Variants in FAH observed in about 807,000 individuals in gnomAD.
FAH encodes the protein fumarylacetoacetase.
In FAH, 47 loss-of-function variants were observed where a neutral mutation model predicts 55.8. The observed-to-expected ratio is 0.84, with a 90% CI of 0.67 to 1.07. The LOEUF (loss-of-function observed/expected upper bound fraction) is 1.07. FAH is among the 50% of genes least tolerant of loss of function. The probability of loss-of-function intolerance (pLI) is 0.00; values close to 1 mark genes in which losing one functional copy is unlikely to be tolerated. For missense variants in FAH, 495 were observed against 545.9 expected (o/e 0.91, Z 0.93); for synonymous variants, 199 against 207.7 (o/e 0.96, Z 0.36).
intron 13 of FAH, among the ~76,000 whole-genome samples, chr15:80,181,445 G>T (rs2041330582): frequency 6.6e-6 from 1 of 152,142 alleles, no homozygotes; most frequent in Non-Finnish European, 1.5e-5. Context: ...TCTAGACTTT[G>T]CAGCAAACGC....
At position 80,156,437 on chromosome 15, in the gene FAH, G is replaced by A. The variant is rs2041101604; in HGVS notation, c.82-1623G>A. The A allele has an allele frequency of 2.0e-5, 3 of 152,304 alleles. No homozygotes were observed. In the South Asian group the frequency reaches 6.2e-4, roughly 32 times the overall value. The allele number at this position is 152,304 out of a possible 1,614,324, so 9.4% of individuals were successfully genotyped here. On this transcript the variant is annotated intron_variant, in intron 1 of 13. Transcript: ENST00000561421. ...CTACAGTTTATGCCTTCAGTCTCTT[G>A]CCTCGGCACCTGGGTAATCCTTCGC...
At chr15:80,178,335 C>T (rs1468468949) in intron 11 of FAH, among the ~76,000 whole-genome samples, 1 of 152,214 alleles carries the variant, frequency 6.6e-6, no homozygotes, top group Non-Finnish European at 1.5e-5. Context: ...CCGTGGGGCC[C>T]TCCAGGTCAC....
chr15:80,173,334 C>T (rs1248266309), intron 9 of FAH, 190 bp downstream of exon 9: 11 of 730,668 alleles, frequency 1.5e-5, no homozygotes, highest in Admixed American at 4.2e-5. Flanking sequence ...ATCATTCTCC[C>T]TTGTGGTTTC....
At chr15:80,174,318 C>A (rs1242157761) in intron 9 of FAH, among the ~76,000 whole-genome samples, 1 of 152,168 alleles carries the variant, frequency 6.6e-6, no homozygotes, top group African/African-American at 2.4e-5. Context: ...TTCCCCAACA[C>A]CATTTAGGTA....
intron 7 of FAH, among the ~76,000 whole-genome samples, chr15:80,170,389 G>A (rs747037956): frequency 2.6e-5 from 4 of 152,192 alleles, no homozygotes; most frequent in Admixed American, 6.5e-5. Flanking sequence ...TGAAAGGCCC[G>A]TCTGCTTTTC....
At chr15:80,170,220 C>G (rs1381920374) in intron 7 of FAH, among the ~76,000 whole-genome samples, 1 of 152,232 alleles carries the variant, frequency 6.6e-6, no homozygotes, top group Non-Finnish European at 1.5e-5. Context: ...GAAATGCAGA[C>G]AGGCAGATGG....
At chr15:80,154,786 C>T (rs2041084183) in intron 1 of FAH, among the ~76,000 whole-genome samples, 2 of 152,222 alleles carry the variant, frequency 1.3e-5, no homozygotes, top group Non-Finnish European at 2.9e-5. Flanking sequence ...GAGTTGGCAT[C>T]AAAGACACAG....
chr15:80,153,064 A>C lies in FAH; in HGVS notation c.10A>C (p.Ile4Leu), dbSNP rs754336457. Residue 4 changes from isoleucine (I) to leucine (L), a missense_variant, in exon 1 of 14, where the codon ATC becomes CTC. Ile to Leu is a conservative substitution (Grantham distance 5). Coordinates refer to ENST00000561421, the MANE Select transcript of FAH (RefSeq NM_000137.4). Reference sequence around the variant, plus strand: ...CCGGGTGCTCTTCAGCATGTCCTTCATCCCGGTGGCCGAGGATTCCGACTT... The same window carrying C: ...CCGGGTGCTCTTCAGCATGTCCTTCCTCCCGGTGGCCGAGGATTCCGACTT... MSF[I>L]PVAEDSDFPI... 1.5e-5 allele frequency: 24 copies of C among 1,613,524 alleles called. No individual in the cohort carries two copies. In the East Asian group the frequency reaches 4.9e-4, roughly 33 times the overall value.
At chr15:80,152,955 C>CG, upstream of FAH, 1 of 983,656 alleles carries the variant, frequency 1.0e-6, no homozygotes, top group Non-Finnish European at 1.5e-6. Flanking sequence ...GCCGTGGGGG[C>CG]GGGCAGGGGG....
At chr15:80,162,536 A>T (rs1595891351) in intron 5 of FAH, 200 bp downstream of exon 5, 1 of 639,644 alleles carries the variant, frequency 1.6e-6, no homozygotes, top group East Asian at 2.8e-5. Context: ...GTGGGATCGA[A>T]GGGCAAGTCC....
At chr15:80,172,116 C>T in intron 7 of FAH, 33 bp from the exon 8 acceptor site, 2 of 1,514,524 alleles carry the variant, frequency 1.3e-6, no homozygotes, top group Non-Finnish European at 9.2e-7. Context: ...GGCAGATCAG[C>T]TCCAGATTCT....
intron 1 of FAH, among the ~76,000 whole-genome samples, chr15:80,153,843 C>T (rs935431928): frequency 6.6e-6 from 1 of 152,072 alleles, no homozygotes; most frequent in African/African-American, 2.4e-5. Flanking sequence ...AAGCAGATTC[C>T]CTTGGATTTG....
chr15:80,180,125 A>G lies in FAH; in HGVS notation c.962A>G (p.Tyr321Cys). Residue 321 changes from tyrosine to cysteine, a missense_variant and splice_region_variant, in exon 12 of 14, where the codon TAC (tyrosine) becomes TGC (cysteine). Transcript: ENST00000561421. The part of the protein sequence containing the change: ...AATICKSNFK[Y>C]MYWTMLQQLT... ...CCACCTCGCGTCCATTGCCTGCAGT[A>G]CATGTACTGGACGATGCTGCAGCAG... 1.2e-6 allele frequency: 2 copies of G among 1,609,072 alleles called. No homozygotes were observed. Among genetic ancestry groups the G allele is most frequent in the Non-Finnish European group, 8.5e-7 (1 of 1,178,938 alleles).
intron 5 of FAH, among the ~76,000 whole-genome samples, chr15:80,164,746 T>C (rs1595891957): frequency 1.3e-5 from 2 of 152,326 alleles, no homozygotes; most frequent in East Asian, 3.9e-4. Flanking sequence ...TTGCATGCAA[T>C]GGAATTTTAT....
chr15:80,180,068 G>A (rs1465001454), intron 11 of FAH, 56 bp from the exon 12 acceptor site: 22 of 1,235,130 alleles, frequency 1.8e-5, no homozygotes, highest in East Asian at 9.7e-5. Context: ...AGCTGCCTCC[G>A]GGATGCTAGG....
At chr15:80,178,646 C>A (rs937780411) in intron 11 of FAH, among the ~76,000 whole-genome samples, 2 of 150,800 alleles carry the variant, frequency 1.3e-5, no homozygotes, top group Non-Finnish European at 1.5e-5. Flanking sequence ...TGCAGTGGCG[C>A]GATCTCGGCT....
At chr15:80,185,001 AGGGCAGAGAT>A (rs2041358980) in intron 13 of FAH, among the ~76,000 whole-genome samples, 1 of 152,092 alleles carries the variant, frequency 6.6e-6, no homozygotes, top group African/African-American at 2.4e-5. Flanking sequence ...ACCCCTCTCA[AGGGCAGAGAT>A]GGGCTTCTCT....
At chr15:80,152,872 G>C, upstream of FAH, 1 of 600,802 alleles carries the variant, frequency 1.7e-6, no homozygotes, top group South Asian at 1.9e-5. Flanking sequence ...TCGGGGTTCG[G>C]GGGCGGGGTG....
chr15:80,156,161 C>T, intron 1 of FAH: 1 of 252,758 alleles, frequency 4.0e-6, no homozygotes. Flanking sequence ...ACTGGCGTTA[C>T]CGCTTGACCA....
Sources: gnomAD v4.1 joint callset for allele counts (sites outside exome capture counted in the v4.1 genomes callset) on GRCh38, gnomAD v4.1.1 for gene constraint, MANE v1.5 for transcripts, NCBI Gene and HGNC (gene_info 2026-07-23, HGNC 2026-07-21) for gene names.